Variants in ZNF536 observed in about 807,000 individuals in gnomAD.
ZNF536 encodes the protein zinc finger protein 536.
In ZNF536, 13 loss-of-function variants were observed where a neutral mutation model predicts 84.5. That is an observed-to-expected ratio of 0.15 (90% confidence interval 0.10 to 0.24). ZNF536 has a LOEUF of 0.24. Among genes scored for constraint, ZNF536 ranks in the 10% least tolerant of loss-of-function variants. ZNF536 has a pLI of 1.00. For missense variants in ZNF536, 1,536 were observed against 1,747.5 expected (o/e 0.88, Z 2.16); for synonymous variants, 811 against 742.5 (o/e 1.09, Z -1.50).
At chr19:30,546,232 A>T (rs2045553717) in intron 3 of ZNF536, among the ~76,000 whole-genome samples, 4 of 152,228 alleles carry the variant, frequency 2.6e-5, no homozygotes, top group African/African-American at 9.6e-5. Flanking sequence ...ACTGACTCCA[A>T]GAAGGGGGAA....
chr19:30,351,356 G>C (rs1169092852), intron 2 of ZNF536, among the ~76,000 whole-genome samples: 1 of 152,256 alleles, frequency 6.6e-6, no homozygotes, highest in Middle Eastern at 3.4e-3. Context: ...GCACTTTTTG[G>C]ACAATATCTA....
intron 1 of ZNF536, among the ~76,000 whole-genome samples, chr19:30,263,550 A>C (rs1458649336): frequency 6.6e-6 from 1 of 152,192 alleles, no homozygotes; most frequent in African/African-American, 2.4e-5. Context: ...AGGTAATGCC[A>C]CTATGAAAGG....
At chr19:30,645,997 A>T (rs573517497) in intron 1 of ZNF536, among the ~76,000 whole-genome samples, 2 of 152,212 alleles carry the variant, frequency 1.3e-5, no homozygotes, top group South Asian at 4.2e-4. Flanking sequence ...AGCAGGTCTC[A>T]GATCTAGTCA....
chr19:30,271,294 CTTTTCT>C (rs1217671058), intron 1 of ZNF536, among the ~76,000 whole-genome samples: 1,199 of 103,174 alleles, frequency 0.012, 15 homozygotes, highest in African/African-American at 0.04. Flanking sequence ...GTGTTTTTTT[CTTTTCT>C]TTTTTTTTTT....
Position 30,291,989 on chromosome 19 carries a change from G to A in ZNF536, c.-120+7848G>A, listed in dbSNP as rs2045855413. 2.0e-5 allele frequency among the ~76,000 whole-genome samples: 3 copies of A among 152,162 alleles called. No homozygotes were observed. The South Asian group carries it at 6.2e-4, about 31-fold the overall frequency. On this transcript the variant is annotated intron_variant, in intron 2 of 5. Coordinates refer to the ZNF536 transcript ENST00000585628. ...TCCTATTTGTTTATATGTTGTCTGT[G>A]GCTGCATTGACACTACAAAGGCAGA...
chr19:30,424,402 G>A (rs1215618795), intron 1 of ZNF536, among the ~76,000 whole-genome samples: 4 of 152,166 alleles, frequency 2.6e-5, no homozygotes, highest in African/African-American at 9.7e-5. Context: ...TCAAACCTGT[G>A]CAACATCAAA....
intron 1 of ZNF536, among the ~76,000 whole-genome samples, chr19:30,388,076 A>G (rs745893633): frequency 3.2e-4 from 49 of 152,160 alleles, no homozygotes; most frequent in Non-Finnish European, 6.3e-4. Context: ...AGGCTGTAAG[A>G]GGTGCTGATT....
chr19:30,711,412 T>A (rs1238307252), exon 2 of ZNF536: 2 of 152,210 alleles, frequency 1.3e-5, no homozygotes, highest in East Asian at 3.9e-4. Flanking sequence ...TTTTCGTTGT[T>A]GAAAACACCT....
chr19:30,440,178 C>T (rs1049820017), intron 1 of ZNF536, among the ~76,000 whole-genome samples: 10 of 151,764 alleles, frequency 6.6e-5, no homozygotes, highest in Non-Finnish European at 1.3e-4. Flanking sequence ...TCAGGCTGAT[C>T]GCGAACTCCT....
chr19:30,572,732 A>G (rs1270753990), intron 1 of ZNF536, among the ~76,000 whole-genome samples: 2 of 152,160 alleles, frequency 1.3e-5, no homozygotes, highest in Non-Finnish European at 2.9e-5. Flanking sequence ...GATGAGTGAT[A>G]TGAAGATGCT....
At chr19:30,340,801 A>C (rs1568344253) in intron 2 of ZNF536, among the ~76,000 whole-genome samples, 1 of 152,204 alleles carries the variant, frequency 6.6e-6, no homozygotes, top group Non-Finnish European at 1.5e-5. Context: ...ACAGTCACCA[A>C]AGAACCTGAA....
chr19:30,276,759 C>A (rs997126581), intron 1 of ZNF536, among the ~76,000 whole-genome samples: 3 of 152,018 alleles, frequency 2.0e-5, no homozygotes, highest in African/African-American at 4.8e-5. Flanking sequence ...ACTGTTAAAC[C>A]GTAAATTCCG....
intron 1 of ZNF536, among the ~76,000 whole-genome samples, chr19:30,278,369 C>T (rs1033078715): frequency 6.6e-6 from 1 of 151,974 alleles, no homozygotes; most frequent in South Asian, 2.1e-4. Flanking sequence ...TGGCCATGGG[C>T]GATTAGGGCA....
chr19:30,469,890 A>G (rs1599480917), intron 2 of ZNF536, among the ~76,000 whole-genome samples: 1 of 151,804 alleles, frequency 6.6e-6, no homozygotes, highest in South Asian at 2.1e-4. Context: ...TCCCCAGCCC[A>G]CCCCCACATC....
chr19:30,232,849 C>G (rs1374158863), intron 1 of ZNF536, among the ~76,000 whole-genome samples: 1 of 152,210 alleles, frequency 6.6e-6, no homozygotes, highest in Non-Finnish European at 1.5e-5. Flanking sequence ...TTCTACCCCA[C>G]TAGATGCCAG....
At chr19:30,632,222 G>A (rs1186894169) in intron 1 of ZNF536, among the ~76,000 whole-genome samples, 1 of 152,172 alleles carries the variant, frequency 6.6e-6, no homozygotes, top group African/African-American at 2.4e-5. Context: ...CTATGTGCTG[G>A]GGACGCATTT....
At chr19:30,319,981 C>T (rs893066270) in intron 2 of ZNF536, among the ~76,000 whole-genome samples, 1 of 152,114 alleles carries the variant, frequency 6.6e-6, no homozygotes. Context: ...ATTAATGTTT[C>T]AGTAAACCTT....
intron 1 of ZNF536, among the ~76,000 whole-genome samples, chr19:30,608,675 G>A (rs982897283): frequency 6.6e-6 from 1 of 152,224 alleles, no homozygotes; most frequent in Admixed American, 6.5e-5. Flanking sequence ...GGCCCCAGCA[G>A]CTTGGAGATC....
intron 1 of ZNF536, among the ~76,000 whole-genome samples, chr19:30,693,345 C>G (rs1173019052): frequency 1.3e-5 from 2 of 152,116 alleles, no homozygotes; most frequent in African/African-American, 4.8e-5. Context: ...TCCCCCTCCC[C>G]CTGATGTAAA....
Sources: allele counts gnomAD v4.1 joint callset (sites outside exome capture counted in the v4.1 genomes callset), GRCh38; gene constraint gnomAD v4.1.1; transcripts MANE v1.5; gene names NCBI Gene and HGNC (gene_info 2026-07-23, HGNC 2026-07-21).